Variants in ROBO2 observed in about 807,000 individuals in gnomAD.
ROBO2 encodes the protein roundabout guidance receptor 2, also known as roundabout homolog 2.
A neutral mutation model predicts 160.8 loss-of-function variants in ROBO2; 53 were observed. The observed-to-expected ratio is 0.33, with a 90% CI of 0.26 to 0.41. The LOEUF (loss-of-function observed/expected upper bound fraction) is 0.41. Among genes scored for constraint, ROBO2 ranks in the 10% least tolerant of loss-of-function variants. ROBO2 has a pLI of 1.00. For synonymous variants in ROBO2, 664 were observed against 611.7 expected (o/e 1.09, Z -1.26); for missense variants, 1,577 against 1,722.4 (o/e 0.92, Z 1.49).
chr3:77,522,840 A>G, exon 6 of ROBO2: 1 of 1,609,730 alleles, frequency 6.2e-7, no homozygotes, highest in Non-Finnish European at 8.5e-7. Context: ...GAAGGCACCT[A>G]TATGTGTATT....
chr3:77,520,556 T>C (rs933531580), intron 5 of ROBO2, among the ~76,000 whole-genome samples: 4 of 151,180 alleles, frequency 2.6e-5, no homozygotes, highest in African/African-American at 9.7e-5. Context: ...TTCACATATA[T>C]ATTGATCCAG....
intron 2 of ROBO2, among the ~76,000 whole-genome samples, chr3:76,834,446 C>T (rs962559001): frequency 1.3e-5 from 2 of 151,976 alleles, no homozygotes; most frequent in Non-Finnish European, 2.9e-5. Flanking sequence ...ATCACTGGCT[C>T]ACTGCAACCT....
intron 2 of ROBO2, among the ~76,000 whole-genome samples, chr3:76,467,026 AAAAC>A (rs1482257375): frequency 6.6e-6 from 1 of 152,080 alleles, no homozygotes; most frequent in Non-Finnish European, 1.5e-5. Flanking sequence ...AGACAGCTGA[AAAAC>A]AATATACTAC....
At chr3:77,093,800 G>A (rs2070669993) in intron 1 of ROBO2, among the ~76,000 whole-genome samples, 1 of 151,834 alleles carries the variant, frequency 6.6e-6, no homozygotes, top group African/African-American at 2.4e-5. Flanking sequence ...TGGGTGGTGA[G>A]ACCTTTAAAG....
At chr3:77,002,419 AT>A (rs1228496213) in intron 2 of ROBO2, among the ~76,000 whole-genome samples, 1 of 134,802 alleles carries the variant, frequency 7.4e-6, no homozygotes, top group African/African-American at 2.9e-5. Flanking sequence ...GTATTAAAAT[AT>A]TCTTCATATT....
In ROBO2 at chr3:77,492,805, G is replaced by A. The variant is rs534336807; in HGVS notation, c.668-439G>A. Among the ~76,000 whole-genome samples the A allele has an allele frequency of 3.9e-5, 6 of 152,154 alleles. No individual in the cohort carries two copies. The South Asian group carries it at 1.0e-3, about 26-fold the overall frequency. ...AGTACACATTTTTTGGTTTTCTCTAGCATTCTTGAGGAATATTAATATTTG... is the reference window on the plus strand; with the variant it reads ...AGTACACATTTTTTGGTTTTCTCTAACATTCTTGAGGAATATTAATATTTG... On this transcript the variant is annotated intron_variant, in intron 4 of 25. Coordinates refer to ENST00000461745, the Ensembl canonical transcript of ROBO2.
At chr3:76,818,000 C>T (rs1009844465) in intron 2 of ROBO2, among the ~76,000 whole-genome samples, 2 of 151,966 alleles carry the variant, frequency 1.3e-5, no homozygotes, top group African/African-American at 2.4e-5. Context: ...ACTTCTTTTC[C>T]TCTGGGTAGA....
At chr3:76,986,210 A>C (rs1463256909) in intron 2 of ROBO2, among the ~76,000 whole-genome samples, 4 of 152,194 alleles carry the variant, frequency 2.6e-5, no homozygotes, top group African/African-American at 9.6e-5. Context: ...ATGTCTTGCT[A>C]TATAGTACGC....
chr3:77,442,237 G>T (rs140636877), intron 2 of ROBO2, among the ~76,000 whole-genome samples: 2 of 151,940 alleles, frequency 1.3e-5, no homozygotes, highest in Admixed American at 6.6e-5. Flanking sequence ...GCGTGAACCC[G>T]GGAGGCAGAG....
chr3:76,439,451 G>A lies in ROBO2; in HGVS notation c.109+501849G>A, dbSNP rs566223379. 3.3e-5 allele frequency among the ~76,000 whole-genome samples: 5 copies of A among 152,170 alleles called. No individual in the cohort carries two copies. The South Asian group carries it at 1.0e-3, about 32-fold the overall frequency. On this transcript the variant is annotated intron_variant, in intron 2 of 26. Coordinates refer to the ROBO2 transcript ENST00000487694. ...GAAGAAGCATGAAGAGCTGAATCGG[G>A]AAGATAAGAGAAGGTGCTCCTAAAG... is the stretch of plus-strand genomic sequence containing the variant.
intron 2 of ROBO2, among the ~76,000 whole-genome samples, chr3:77,019,226 A>C (rs2062472841): frequency 6.6e-6 from 1 of 152,164 alleles, no homozygotes; most frequent in Non-Finnish European, 1.5e-5. Context: ...CAAATTCAAC[A>C]AACAGGCAGA....
intron 2 of ROBO2, among the ~76,000 whole-genome samples, chr3:76,621,350 G>C (rs2089063039): frequency 6.6e-6 from 1 of 152,104 alleles, no homozygotes; most frequent in South Asian, 2.1e-4. Context: ...ATCTCAGAAG[G>C]CTATACATTC....
intron 2 of ROBO2, among the ~76,000 whole-genome samples, chr3:76,716,492 A>C (rs1453013971): frequency 1.3e-5 from 2 of 152,256 alleles, no homozygotes; most frequent in Non-Finnish European, 2.9e-5. Context: ...GGTTATTTAA[A>C]AGAATATGCT....
rs377215038 is a variant in ROBO2 at position 76,814,347 on chromosome 3, A to G, written c.110-283667A>G. ...TGAGGTTCAACTGAAACTAAGAGTT[A>G]CAACTATCCCTTTTCTCTTTTCCAC... On this transcript the variant is annotated intron_variant, in intron 2 of 26. Transcript: ENST00000487694. 4.6e-5 allele frequency among the ~76,000 whole-genome samples: 7 copies of G among 152,264 alleles called. No individual in the cohort carries two copies. In the East Asian group the frequency reaches 1.4e-3, roughly 29 times the overall value.
At chr3:75,930,145 T>C (rs1467297220) in intron 1 of ROBO2, among the ~76,000 whole-genome samples, 1 of 152,258 alleles carries the variant, frequency 6.6e-6, no homozygotes, top group African/African-American at 2.4e-5. Context: ...ATTACTTTTT[T>C]TCTTTCCTCC....
rs1307374192 is a variant in ROBO2 at position 76,144,299 on chromosome 3, G to GA, written c.109+206704dup. Among the ~76,000 whole-genome samples the GA allele has an allele frequency of 5.3e-5, 8 of 151,960 alleles. No homozygotes were observed. The South Asian group carries it at 6.2e-4, about 12-fold the overall frequency. ...GGGAGGAATGTGATAAAGATCTTGA[G>GA]AAAAAAATGATAGGCCTCGATATTT... On this transcript the variant is annotated intron_variant, in intron 2 of 26. Transcript: ENST00000487694.
chr3:77,141,891 C>T (rs2076734869), intron 2 of ROBO2, among the ~76,000 whole-genome samples: 1 of 152,192 alleles, frequency 6.6e-6, no homozygotes, highest in Non-Finnish European at 1.5e-5. Context: ...ATTCCTCTAG[C>T]CGTGTGTTAG....
Position 77,063,402 on chromosome 3 carries a change from G to A in ROBO2, c.61+22556G>A, listed in dbSNP as rs77785701. Among the ~76,000 whole-genome samples the A allele has an allele frequency of 8.3e-3, 1,269 of 152,306 alleles. 22 individuals carry two copies. Among genetic ancestry groups the A allele is most frequent in the East Asian group, 0.072 (370 of 5,174 alleles). Reference sequence around the variant, plus strand: ...GAAATCAGTAAGACAGGAGCAAAGTGTGTGAAAAGGGGGTGTGTTTAGGGA... The same window carrying A: ...GAAATCAGTAAGACAGGAGCAAAGTATGTGAAAAGGGGGTGTGTTTAGGGA... On this transcript the variant is annotated intron_variant, in intron 1 of 25. Transcript: ENST00000461745.
intron 2 of ROBO2, among the ~76,000 whole-genome samples, chr3:77,031,077 TG>T (rs2063292039): frequency 6.6e-6 from 1 of 152,040 alleles, no homozygotes; most frequent in Non-Finnish European, 1.5e-5. Flanking sequence ...CCCTTGAAGG[TG>T]GGGCTTGTGT....
Sources: allele counts gnomAD v4.1 joint callset (sites outside exome capture counted in the v4.1 genomes callset), GRCh38; gene constraint gnomAD v4.1.1; transcripts MANE v1.5; gene names NCBI Gene and HGNC (gene_info 2026-07-23, HGNC 2026-07-21).